Variants in NID2 observed in about 807,000 individuals in gnomAD.
The protein encoded by NID2 is nidogen 2.
NID2 carries 83 observed loss-of-function variants against 145.4 expected under a neutral mutation model. The observed-to-expected ratio is 0.57, with a 90% CI of 0.48 to 0.69. NID2 has a LOEUF of 0.69. NID2 is among the 30% of genes least tolerant of loss of function. NID2 has a pLI of 0.00. For missense variants in NID2, 1,807 were observed against 1,765.7 expected (o/e 1.02, Z -0.42); for synonymous variants, 739 against 701.3 (o/e 1.05, Z -0.85).
In NID2 at chr14:52,040,668, T is replaced by A. The variant is rs375345553; in HGVS notation, c.2009A>T (p.Tyr670Phe). Reference sequence around the variant, plus strand: ...ATACATACTGGAGTCGGAGTAGTGGTACAGCTCCTTGTAGGGAGAGATGTG... The same window carrying A: ...ATACATACTGGAGTCGGAGTAGTGGAACAGCTCCTTGTAGGGAGAGATGTG... ...TAHISPYKEL[Y>F]HYSDSTVTST... is the part of the protein sequence containing the mutation. Residue 670 changes from tyrosine to phenylalanine, a missense_variant, in exon 8 of 22, where the codon TAC (tyrosine) becomes TTC (phenylalanine). Transcript: ENST00000216286. The A allele has an allele frequency of 2.5e-6, 4 of 1,613,864 alleles. No homozygotes were observed. Among genetic ancestry groups the A allele is most frequent in the Non-Finnish European group, 2.5e-6 (3 of 1,179,876 alleles).
At chr14:52,030,597 A>AGAGAAAAG (rs1891812738) in intron 9 of NID2, among the ~76,000 whole-genome samples, 1 of 99,408 alleles carries the variant, frequency 1.0e-5, no homozygotes, top group Non-Finnish European at 2.2e-5. Context: ...AAAGAAAGAA[A>AGAGAAAAG]GAAAGAAAGA....
At chr14:52,047,429 A>G (rs551704336) in intron 5 of NID2, among the ~76,000 whole-genome samples, 46 of 152,030 alleles carry the variant, frequency 3.0e-4, no homozygotes, top group Non-Finnish European at 6.5e-4. Flanking sequence ...AGGGATGGTG[A>G]GAGAAGAGGT....
chr14:52,056,740 C>T (rs186312494), intron 3 of NID2, among the ~76,000 whole-genome samples: 30 of 152,108 alleles, frequency 2.0e-4, no homozygotes, highest in Admixed American at 4.6e-4. Context: ...TGCAGTGAAC[C>T]GAGGTCATGC....
chr14:52,047,300 A>G (rs1048472306), intron 5 of NID2, among the ~76,000 whole-genome samples: 3 of 152,164 alleles, frequency 2.0e-5, no homozygotes, highest in Admixed American at 6.5e-5. Context: ...TAGCATGGTC[A>G]GGGAAGACCT....
Position 52,019,287 on chromosome 14 carries a change from G to A in NID2, c.2802C>T (p.Thr934=), listed in dbSNP as rs532046798. ...GTTGTTCACAGGGTGTCAGGCTTGA[G>A]GTGGAGTCTTCCAGGATCAAGGCAG... ...GDGFQCIPDS[T]SSLTPCEQQQ... is the part of the protein sequence containing the mutation. The change falls in exon 14 of 22, where the codon ACC becomes ACT. Residue 934 remains threonine, a synonymous_variant. Transcript: ENST00000216286. 2.5e-6 allele frequency: 4 copies of A among 1,584,346 alleles called. No homozygotes were observed. The highest frequency in any genetic ancestry group is 4.5e-5 in the East Asian group (2 of 44,130).
In NID2 at chr14:52,068,085, A is replaced by G. The variant is rs1893290832; in HGVS notation, c.307T>C (p.Phe103Leu). 2 of 1,613,658 alleles carry G rather than the reference A, an allele frequency of 1.2e-6. No individual in the cohort carries two copies. ...GCCAGAAAAGGGGCGATGGCCGGGA[A>G]GTCGGTGGGGAAATCATAGTCCACA... ...QYVDYDFPTDFPAIAPFLADI... is the reference protein window; with the variant it reads ...QYVDYDFPTDLPAIAPFLADI... The change falls in exon 2 of 22, where the codon TTC becomes CTC. Residue 103 changes from phenylalanine (F) to leucine (L), a missense_variant. Physicochemically the swap from Phe to Leu is conservative, Grantham distance 22. Transcript: ENST00000216286.
At chr14:52,035,867 T>TGTGTATATATATAC (rs561073333) in intron 9 of NID2, among the ~76,000 whole-genome samples, 5 of 132,946 alleles carry the variant, frequency 3.8e-5, no homozygotes, top group Non-Finnish European at 7.9e-5. Context: ...TATATATATA[T>TGTGTATATATATAC]ATATATATAT....
chr14:52,030,306 T>C (rs987601998), intron 9 of NID2, among the ~76,000 whole-genome samples: 5 of 152,078 alleles, frequency 3.3e-5, no homozygotes, highest in African/African-American at 1.2e-4. Flanking sequence ...ATCTACTCAC[T>C]AGGTAGCGAT....
At chr14:52,042,969 T>C (rs1892341575) in intron 5 of NID2, 38 bp from the exon 6 acceptor site, 2 of 1,604,542 alleles carry the variant, frequency 1.2e-6, no homozygotes, top group South Asian at 1.1e-5. Flanking sequence ...AAGGACTAAA[T>C]GATTCCAATG....
chr14:52,007,687 A>T (rs1212729119), intron 19 of NID2, 123 bp downstream of exon 19: 1 of 918,504 alleles, frequency 1.1e-6, no homozygotes, highest in Non-Finnish European at 1.7e-6. Flanking sequence ...ACTAGTACTT[A>T]AAAGTTTACA....
chr14:52,019,235 C>T lies in NID2; in HGVS notation c.2854G>A (p.Ala952Thr), dbSNP rs762761394. The T allele has an allele frequency of 1.9e-6, 3 of 1,611,548 alleles. No individual in the cohort carries two copies. Among genetic ancestry groups the T allele is most frequent in the South Asian group, 1.1e-5 (1 of 91,022 alleles). The change falls in exon 14 of 22, where the codon GCC (alanine) becomes ACC (threonine). Residue 952 changes from alanine (A) to threonine (T), a missense_variant. Coordinates refer to ENST00000216286, the MANE Select transcript of NID2 (RefSeq NM_007361.4). ...ATGTGGAACCGGGCCCCAGGGTAGGCATACTGGGCCTGGGCATGGCGCTGC... is the reference window on the plus strand; with the variant it reads ...ATGTGGAACCGGGCCCCAGGGTAGGTATACTGGGCCTGGGCATGGCGCTGC... ...QQQRHAQAQYAYPGARFHIPQ... is the reference protein window; with the variant it reads ...QQQRHAQAQYTYPGARFHIPQ...
intron 10 of NID2, among the ~76,000 whole-genome samples, chr14:52,029,315 G>A (rs1307730881): frequency 6.6e-6 from 1 of 152,192 alleles, no homozygotes; most frequent in African/African-American, 2.4e-5. Flanking sequence ...TGCAACAGAT[G>A]TTTTCTTTTC....
At chr14:52,025,951 C>T (rs1039249506) in intron 12 of NID2, among the ~76,000 whole-genome samples, 1 of 152,160 alleles carries the variant, frequency 6.6e-6, no homozygotes, top group African/African-American at 2.4e-5. Flanking sequence ...TGAACTGAGC[C>T]ACGGCTTTGG....
intron 5 of NID2, among the ~76,000 whole-genome samples, chr14:52,045,998 C>G (rs1055030852): frequency 6.6e-6 from 1 of 152,090 alleles, no homozygotes; most frequent in Non-Finnish European, 1.5e-5. Flanking sequence ...TTCTGAACAC[C>G]AAGTAAAAAG....
At position 52,014,806 on chromosome 14, in the gene NID2, G is replaced by C. The variant is rs61971552; in HGVS notation, c.3250+248C>G. Among the ~76,000 whole-genome samples the C allele has an allele frequency of 1.3e-4, 19 of 151,984 alleles. 1 individual carries two copies. Among genetic ancestry groups the C allele is most frequent in the Middle Eastern group, 3.4e-3 (1 of 294 alleles). On this transcript the variant is annotated intron_variant, in intron 15 of 21. Transcript: ENST00000216286. ...GTCCCCTGTCACCCTGGGCTGGGGA[G>C]GGGGAGTAACTGCCTGCTGAACCGA...
intron 16 of NID2, 129 bp from the exon 17 acceptor site, chr14:52,011,812 A>C: frequency 1.8e-6 from 2 of 1,134,224 alleles, no homozygotes; most frequent in Non-Finnish European, 1.3e-6. Flanking sequence ...AACAGAGCAG[A>C]GTAGCTGGAC....
At chr14:52,024,896 G>A (rs1891536496) in intron 12 of NID2, among the ~76,000 whole-genome samples, 1 of 152,130 alleles carries the variant, frequency 6.6e-6, no homozygotes, top group South Asian at 2.1e-4. Flanking sequence ...AAGAAAAAAG[G>A]AGGGAGAGAA....
chr14:52,030,416 T>C (rs997477223), intron 9 of NID2, among the ~76,000 whole-genome samples: 3 of 150,310 alleles, frequency 2.0e-5, no homozygotes, highest in African/African-American at 4.9e-5. Flanking sequence ...GGTAGGAGGA[T>C]AGTTTGAAGC....
At chr14:52,051,921 A>C (rs1892694197) in intron 5 of NID2, among the ~76,000 whole-genome samples, 1 of 152,168 alleles carries the variant, frequency 6.6e-6, no homozygotes, top group Non-Finnish European at 1.5e-5. Context: ...TGGTTCCTGA[A>C]GCCTCCTGCA....
Sources: gnomAD v4.1 joint callset for allele counts (sites outside exome capture counted in the v4.1 genomes callset) on GRCh38, gnomAD v4.1.1 for gene constraint, MANE v1.5 for transcripts, NCBI Gene and HGNC (gene_info 2026-07-23, HGNC 2026-07-21) for gene names.